Variants in SDK1 observed in about 807,000 individuals in gnomAD.
SDK1 encodes sidekick cell adhesion molecule 1.
A neutral mutation model predicts 245.5 loss-of-function variants in SDK1; 157 were observed. The observed-to-expected ratio is 0.64, with a 90% CI of 0.56 to 0.73. The LOEUF (loss-of-function observed/expected upper bound fraction) is 0.73, where lower values mean the gene tolerates loss of function less well. SDK1 is among the 30% of genes least tolerant of loss of function. The probability of loss-of-function intolerance (pLI) is 0.00; values close to 1 mark genes in which losing one functional copy is unlikely to be tolerated. For synonymous variants in SDK1, 1,647 were observed against 1,278.5 expected, an observed-to-expected ratio of 1.29 and a Z score of -6.15; for missense variants, 3,583 against 3,002.3, an observed-to-expected ratio of 1.19 and a Z score of -4.52.
chr7:3,329,516 G>A (rs1048266836), intron 1 of SDK1, among the ~76,000 whole-genome samples: 1 of 152,134 alleles, frequency 6.6e-6, no homozygotes, highest in Non-Finnish European at 1.5e-5. Flanking sequence ...ACCCTTCTTA[G>A]CTATAATCAC....
At chr7:4,215,445 G>A (rs1313504761) in intron 38 of SDK1, among the ~76,000 whole-genome samples, 2 of 152,240 alleles carry the variant, frequency 1.3e-5, no homozygotes, top group Admixed American at 1.3e-4. Context: ...GCATTTGCAC[G>A]TGGGAGGCAC....
chr7:4,006,783 G>C (rs1785516056), intron 14 of SDK1, among the ~76,000 whole-genome samples: 1 of 152,170 alleles, frequency 6.6e-6, no homozygotes, highest in Non-Finnish European at 1.5e-5. Context: ...TAATTAATAG[G>C]CCCTGTTGTC....
In SDK1 at chr7:3,480,392, G is replaced by A. The variant is rs73671843; in HGVS notation, c.299-138688G>A. Among the ~76,000 whole-genome samples the A allele has an allele frequency of 4.5e-4, 50 of 112,246 alleles. 2 individuals carry two copies. The highest frequency in any genetic ancestry group is 1.6e-3 in the African/African-American group (46 of 29,442). 73.6% of individuals were successfully genotyped at this position (112,246 alleles called of 152,430 possible). On this transcript the variant is annotated intron_variant, in intron 1 of 44. Coordinates refer to ENST00000404826, the MANE Select transcript of SDK1 (RefSeq NM_152744.4). Reference sequence around the variant, plus strand: ...ACTACTGGAAGAACTTCCGTGTTCCGGATAAGCTGCCTGCCTCCTGCACAT... The same window carrying A: ...ACTACTGGAAGAACTTCCGTGTTCCAGATAAGCTGCCTGCCTCCTGCACAT...
At chr7:3,626,417 T>A (rs1314690372) in intron 2 of SDK1, among the ~76,000 whole-genome samples, 4 of 152,238 alleles carry the variant, frequency 2.6e-5, no homozygotes, top group Non-Finnish European at 5.9e-5. Context: ...ACAAGCTATT[T>A]TTCTTACTGG....
At chr7:3,991,846 G>A (rs1272367090) in intron 14 of SDK1, among the ~76,000 whole-genome samples, 1 of 152,232 alleles carries the variant, frequency 6.6e-6, no homozygotes, top group Non-Finnish European at 1.5e-5. Context: ...AATAGGAAGA[G>A]TACCACCATC....
chr7:4,115,135 G>A (rs1015950349), intron 25 of SDK1, among the ~76,000 whole-genome samples: 6 of 152,082 alleles, frequency 3.9e-5, no homozygotes, highest in African/African-American at 7.2e-5. Flanking sequence ...GGCAATTAAC[G>A]CTCATGAAGG....
At chr7:4,152,536 C>T (rs663911) in intron 30 of SDK1, among the ~76,000 whole-genome samples, 28,951 of 152,134 alleles carry the variant, frequency 0.19, 3,008 homozygotes, top group African/African-American at 0.26. Context: ...ACAGACTAAT[C>T]GTGTGTCCGG....
chr7:3,518,572 A>T (rs1007827106), intron 1 of SDK1, among the ~76,000 whole-genome samples: 1 of 152,176 alleles, frequency 6.6e-6, no homozygotes, highest in Admixed American at 6.6e-5. Flanking sequence ...CAACAAATAT[A>T]TGAAAAGTAT....
intron 44 of SDK1, among the ~76,000 whole-genome samples, chr7:4,249,627 C>T (rs1343936516): frequency 6.6e-6 from 1 of 152,242 alleles, no homozygotes; most frequent in African/African-American, 2.4e-5. Context: ...AGAATCCCCA[C>T]ACCTGGACCA....
chr7:3,456,611 G>A (rs10271803), intron 1 of SDK1, among the ~76,000 whole-genome samples: 84,903 of 151,724 alleles, frequency 0.56, 23,765 homozygotes, highest in African/African-American at 0.58. Flanking sequence ...ATTTTTTTCC[G>A]AGAGAATACA....
chr7:3,378,893 C>T (rs1781416556), intron 1 of SDK1, among the ~76,000 whole-genome samples: 1 of 152,078 alleles, frequency 6.6e-6, no homozygotes, highest in Admixed American at 6.5e-5. Context: ...TAGGACCTCT[C>T]ATCGGAGAGT....
At position 3,974,419 on chromosome 7, in the gene SDK1, G is replaced by A; in HGVS notation, c.1868G>A (p.Arg623Lys). ...NVALTPSSTS[R>K]IVVEKDGSLL... ...GCCCTGACTCCATCGAGCACGTCTAGGATCGTGGTGGAGAAGGACGGGTCC... is the reference window on the plus strand; with the variant it reads ...GCCCTGACTCCATCGAGCACGTCTAAGATCGTGGTGGAGAAGGACGGGTCC... Residue 623 changes from arginine to lysine, a missense_variant, in exon 13 of 45, where the codon AGG becomes AAG. Physicochemically the swap from Arg to Lys is conservative, Grantham distance 26 (BLOSUM62 2). Coordinates refer to ENST00000404826, the MANE Select transcript of SDK1 (RefSeq NM_152744.4). 1 of 1,614,110 alleles carries A rather than the reference G, an allele frequency of 6.2e-7. No individual in the cohort carries two copies.
intron 1 of SDK1, among the ~76,000 whole-genome samples, chr7:3,362,687 T>C (rs1030119051): frequency 1.3e-5 from 2 of 152,210 alleles, no homozygotes; most frequent in African/African-American, 4.8e-5. Context: ...TGAAATAATA[T>C]TGAAAATGGG....
chr7:3,697,099 C>T lies in SDK1; in HGVS notation c.713+54994C>T, dbSNP rs115440527. On this transcript the variant is annotated intron_variant, in intron 4 of 44. Coordinates refer to ENST00000404826, the MANE Select transcript of SDK1 (RefSeq NM_152744.4). ...TTTATTTTCTAGATTTTCCTTCTCT[C>T]GCCATTTGACTAATTCTTACAGTAA... 1.8e-3 allele frequency among the ~76,000 whole-genome samples: 269 copies of T among 152,282 alleles called. 1 individual carries two copies. Among genetic ancestry groups the T allele is most frequent in the African/African-American group, 4.8e-3 (199 of 41,554 alleles).
chr7:3,896,826 G>C (rs186293254), intron 5 of SDK1, among the ~76,000 whole-genome samples: 54 of 152,256 alleles, frequency 3.5e-4, no homozygotes, highest in African/African-American at 1.3e-3. Context: ...CTTAATTGTA[G>C]CAAAATATAC....
intron 1 of SDK1, among the ~76,000 whole-genome samples, chr7:3,521,637 G>A (rs1782944478): frequency 6.6e-6 from 1 of 152,160 alleles, no homozygotes; most frequent in African/African-American, 2.4e-5. Context: ...CGTGAATTTC[G>A]CCCTTGAAGA....
At chr7:3,494,154 A>G (rs1215697842) in intron 1 of SDK1, among the ~76,000 whole-genome samples, 10 of 152,192 alleles carry the variant, frequency 6.6e-5, no homozygotes, top group African/African-American at 9.7e-5. Flanking sequence ...CTGCCCCAAC[A>G]TTCAAAATAG....
intron 1 of SDK1, among the ~76,000 whole-genome samples, chr7:3,466,979 TACACACACACACACAC>T (rs11269597): frequency 5.7e-4 from 73 of 127,592 alleles, no homozygotes; most frequent in South Asian, 2.6e-3. Flanking sequence ...TCTCTCTCTC[TACACACACACACACAC>T]ACACACACAC....
At chr7:3,817,882 T>C (rs1309795631) in intron 4 of SDK1, among the ~76,000 whole-genome samples, 4 of 152,204 alleles carry the variant, frequency 2.6e-5, no homozygotes, top group Non-Finnish European at 1.5e-5. Flanking sequence ...TCACTGGAAA[T>C]GGTCTTCCTT....
Sources: allele counts gnomAD v4.1 joint callset (sites outside exome capture counted in the v4.1 genomes callset), GRCh38; gene constraint gnomAD v4.1.1; transcripts MANE v1.5; gene names NCBI Gene and HGNC (gene_info 2026-07-23, HGNC 2026-07-21).